The following MINDY4 variants were observed in gnomAD, a reference collection of about 807,000 sequenced individuals.
MINDY4 encodes probable ubiquitin carboxyl-terminal hydrolase MINDY-4.
MINDY4 carries 68 observed loss-of-function variants against 87.0 expected under a neutral mutation model. The ratio of observed to expected loss-of-function variants is 0.78; its 90% CI spans 0.64 to 0.96. MINDY4 has a LOEUF of 0.96. MINDY4 is among the 40% of genes least tolerant of loss of function. The probability of loss-of-function intolerance (pLI) is 0.00; values close to 1 mark genes in which losing one functional copy is unlikely to be tolerated. For missense variants in MINDY4, 919 were observed against 928.2 expected, an observed-to-expected ratio of 0.99 and a Z score of 0.13; for synonymous variants, 379 against 363.2, an observed-to-expected ratio of 1.04 and a Z score of -0.50.
At chr7:30,806,813 C>G (rs1787822262) in intron 5 of MINDY4, among the ~76,000 whole-genome samples, 1 of 152,230 alleles carries the variant, frequency 6.6e-6, no homozygotes, top group Non-Finnish European at 1.5e-5. Flanking sequence ...CTACCCTCTT[C>G]TCTTCTAGAA....
chr7:30,882,118 GA>G, intron 15 of MINDY4, 62 bp from the exon 16 acceptor site: 2 of 1,504,292 alleles, frequency 1.3e-6, no homozygotes, highest in Non-Finnish European at 1.8e-6. Flanking sequence ...GAGTCAGACA[GA>G]AAAATGCCCG....
chr7:30,792,123 C>CTATTT (rs1562532301), intron 5 of MINDY4, among the ~76,000 whole-genome samples: 1 of 152,136 alleles, frequency 6.6e-6, no homozygotes, highest in South Asian at 2.1e-4. Flanking sequence ...GGCATTATTT[C>CTATTT]TATTTTATTT....
At chr7:30,785,246 TCTTA>T (rs1212841272) in intron 3 of MINDY4, among the ~76,000 whole-genome samples, 2 of 139,268 alleles carry the variant, frequency 1.4e-5, no homozygotes, top group Admixed American at 7.2e-5. Context: ...TTTCTTGCTC[TCTTA>T]CTTCCTCTCT....
intron 9 of MINDY4, 31 bp from the exon 10 acceptor site, chr7:30,850,423 G>A (rs768530618): frequency 6.3e-7 from 1 of 1,586,072 alleles, no homozygotes; most frequent in Non-Finnish European, 8.6e-7. Flanking sequence ...TGTCCACATG[G>A]GCATAAATGC....
intron 2 of MINDY4, 71 bp from the exon 3 acceptor site, chr7:30,781,906 A>G (rs1026271981): frequency 1.9e-6 from 2 of 1,043,712 alleles, no homozygotes; most frequent in South Asian, 1.5e-5. Flanking sequence ...AAGAAGTGGA[A>G]TAGTTGTCTT....
chr7:30,840,935 T>C (rs1789014256), intron 9 of MINDY4, 87 bp downstream of exon 9: 3 of 1,157,550 alleles, frequency 2.6e-6, no homozygotes, highest in African/African-American at 3.0e-5. Context: ...AGCATGTGTG[T>C]TCCCTGATAT....
intron 5 of MINDY4, among the ~76,000 whole-genome samples, chr7:30,817,833 C>CT (rs1386874087): frequency 6.6e-6 from 1 of 152,184 alleles, no homozygotes; most frequent in Non-Finnish European, 1.5e-5. Context: ...TCATTATAAT[C>CT]TAACCCTCTT....
intron 15 of MINDY4, 53 bp downstream of exon 15, chr7:30,875,709 A>G: frequency 6.5e-7 from 1 of 1,546,150 alleles, no homozygotes; most frequent in Non-Finnish European, 8.7e-7. Flanking sequence ...TCTCTGGAGC[A>G]ATGAGGAGGG....
intron 15 of MINDY4, among the ~76,000 whole-genome samples, chr7:30,880,715 A>G (rs908978581): frequency 6.6e-6 from 1 of 152,184 alleles, no homozygotes; most frequent in African/African-American, 2.4e-5. Flanking sequence ...CCTGTAAGAC[A>G]TCTAATTCCC....
At chr7:30,771,846 T>TG (rs916367888) in intron 1 of MINDY4, among the ~76,000 whole-genome samples, 100 of 152,280 alleles carry the variant, frequency 6.6e-4, no homozygotes, top group African/African-American at 2.3e-3. Flanking sequence ...GGAGGGGGCC[T>TG]GGGGGCCGCG....
intron 9 of MINDY4, among the ~76,000 whole-genome samples, chr7:30,841,966 A>G (rs968424449): frequency 1.3e-5 from 2 of 152,324 alleles, no homozygotes; most frequent in Admixed American, 1.3e-4. Context: ...CCCATTTCCC[A>G]TGCATTCCTG....
intron 6 of MINDY4, among the ~76,000 whole-genome samples, chr7:30,830,418 C>CT (rs1223301622): frequency 6.6e-6 from 1 of 152,136 alleles, no homozygotes; most frequent in Non-Finnish European, 1.5e-5. Flanking sequence ...AAAGACATAC[C>CT]AGAAACTGAG....
At chr7:30,874,964 C>T (rs1056228784) in intron 14 of MINDY4, among the ~76,000 whole-genome samples, 4 of 152,182 alleles carry the variant, frequency 2.6e-5, no homozygotes, top group Non-Finnish European at 5.9e-5. Flanking sequence ...AAAATTATTT[C>T]AAAATAAAAA....
At chr7:30,847,970 C>T (rs1009176794) in intron 9 of MINDY4, among the ~76,000 whole-genome samples, 1 of 152,206 alleles carries the variant, frequency 6.6e-6, no homozygotes, top group African/African-American at 2.4e-5. Context: ...TGGCCTCAAG[C>T]GATCCTCCCA....
intron 15 of MINDY4, among the ~76,000 whole-genome samples, chr7:30,880,311 C>CCA (rs1240814762): frequency 7.4e-5 from 11 of 149,362 alleles, no homozygotes; most frequent in African/African-American, 2.8e-4. Flanking sequence ...CACCCCCCCC[C>CCA]ACCCCCGACT....
At chr7:30,885,133 A>G (rs572440891) in intron 17 of MINDY4, among the ~76,000 whole-genome samples, 1 of 152,380 alleles carries the variant, frequency 6.6e-6, no homozygotes, top group East Asian at 1.9e-4. Flanking sequence ...TGTAGCACAC[A>G]GGGGCTAAGA....
intron 13 of MINDY4, among the ~76,000 whole-genome samples, chr7:30,868,153 G>C (rs1562560607): frequency 1.3e-5 from 2 of 152,296 alleles, no homozygotes; most frequent in Non-Finnish European, 2.9e-5. Context: ...TTAGATGAAG[G>C]GACAAGCTGT....
chr7:30,790,154 T>C (rs1468955504), intron 4 of MINDY4, among the ~76,000 whole-genome samples: 1 of 152,186 alleles, frequency 6.6e-6, no homozygotes, highest in Non-Finnish European at 1.5e-5. Flanking sequence ...CCCTACAGTC[T>C]TGTTGGGGAG....
At chr7:30,875,394 T>C in intron 14 of MINDY4, 101 bp from the exon 15 acceptor site, 1 of 1,320,480 alleles carries the variant, frequency 7.6e-7, no homozygotes, top group Non-Finnish European at 1.1e-6. Context: ...CTCCTTGCTT[T>C]CCTTCCTTCT....
Sources: allele counts gnomAD v4.1 joint callset (sites outside exome capture counted in the v4.1 genomes callset), GRCh38; gene constraint gnomAD v4.1.1; transcripts MANE v1.5; gene names NCBI Gene and HGNC (gene_info 2026-07-23, HGNC 2026-07-21).